Variants in CSDE1 observed in about 807,000 individuals in gnomAD.
CSDE1 encodes cold shock domain containing E1.
CSDE1 carries 17 observed loss-of-function variants against 89.3 expected under a neutral mutation model. The observed-to-expected ratio is 0.19, with a 90% CI of 0.13 to 0.29. The LOEUF is 0.29. Among genes scored for constraint, CSDE1 ranks in the 10% least tolerant of loss-of-function variants. The pLI is 1.00. For missense variants in CSDE1, 672 were observed against 984.2 expected (o/e 0.68, Z 4.24); for synonymous variants, 322 against 332.8 (o/e 0.97, Z 0.35).
chr1:114,718,868 C>T (rs4553193), intron 18 of CSDE1, 123 bp from the exon 19 acceptor site: 1 of 1,004,808 alleles, frequency 1.0e-6, no homozygotes. Flanking sequence ...GGACTCTTGC[C>T]TCATATACCT....
At chr1:114,757,650 C>A (rs1661686646) in intron 1 of CSDE1, among the ~76,000 whole-genome samples, 1 of 152,120 alleles carries the variant, frequency 6.6e-6, no homozygotes, top group East Asian at 1.9e-4. Flanking sequence ...TTTTCGCTCC[C>A]TCCCCCCACT....
Position 114,717,299 on chromosome 1 carries a change from C to A in CSDE1, c.*870G>T, listed in dbSNP as rs902413837. The A allele has an allele frequency of 3.9e-5, 6 of 152,456 alleles. No individual in the cohort carries two copies. Among genetic ancestry groups the A allele is most frequent in the African/African-American group, 1.5e-4 (6 of 41,372 alleles). The allele number at this position is 152,456 out of a possible 1,614,324, so 9.4% of individuals were successfully genotyped here. ...AAAAAAAAACAAGATTCATTTCAGG[C>A]ACAACTTTTTTATTTTTTTTTGTTT... On this transcript the variant is annotated 3_prime_UTR_variant, in exon 20 of 20. Transcript: ENST00000358528.
intron 6 of CSDE1, among the ~76,000 whole-genome samples, chr1:114,734,944 C>T (rs17032862): frequency 0.034 from 5,182 of 152,212 alleles, 180 homozygotes; most frequent in South Asian, 0.091. Context: ...GTATAATCTG[C>T]GGCAAAGTAA....
At chr1:114,748,181 G>A (rs528514176) in intron 2 of CSDE1, 2 of 152,258 alleles carry the variant, frequency 1.3e-5, no homozygotes, top group East Asian at 1.9e-4. Context: ...AGTCCTAAGC[G>A]CTTCTTGAAA....
rs1659246109 is a variant in CSDE1 at position 114,717,422 on chromosome 1, T to C, written c.*747A>G. 6.6e-6 allele frequency: 1 copy of C among 152,550 alleles called. No individual in the cohort carries two copies. The highest frequency in any genetic ancestry group is 6.5e-5 in the Admixed American group (1 of 15,282). 9.4% of individuals were successfully genotyped at this position (152,550 alleles called of 1,614,324 possible). A position where few individuals can be genotyped will look rare whatever the true frequency, so the allele number is the denominator to read the frequency against. ...CATTTTTTTTGTTTTTGTTTAAATA[T>C]GTTTAAATTATCACACTGCTGGCAC... On this transcript the variant is annotated 3_prime_UTR_variant, in exon 20 of 20. Coordinates refer to ENST00000358528, the MANE Select transcript of CSDE1 (RefSeq NM_001007553.3).
intron 2 of CSDE1, among the ~76,000 whole-genome samples, chr1:114,749,474 C>T (rs1011356863): frequency 6.6e-6 from 1 of 152,168 alleles, no homozygotes; most frequent in African/African-American, 2.4e-5. Flanking sequence ...AAGAAACAGA[C>T]GTCAGTAGCA....
At chr1:114,755,976 A>G (rs1343919425) in intron 1 of CSDE1, among the ~76,000 whole-genome samples, 2 of 152,126 alleles carry the variant, frequency 1.3e-5, no homozygotes, top group East Asian at 3.9e-4. Context: ...ATGCTCCAGC[A>G]TAATTTGATA....
At chr1:114,756,456 G>A (rs1012338290) in intron 1 of CSDE1, among the ~76,000 whole-genome samples, 6 of 152,108 alleles carry the variant, frequency 3.9e-5, no homozygotes, top group African/African-American at 1.4e-4. Context: ...GAAAACCAAG[G>A]TATGTATTAT....
In CSDE1 at chr1:114,726,990, C is replaced by T. The variant is rs1659834376; in HGVS notation, c.1457G>A (p.Gly486Glu). 1.9e-6 allele frequency: 3 copies of T among 1,606,414 alleles called. No individual in the cohort carries two copies. The highest frequency in any genetic ancestry group is 2.6e-6 in the Non-Finnish European group (3 of 1,173,092). Residue 486 changes from glycine (G) to glutamate (E), a missense_variant, in exon 13 of 20, where the codon GGA (glycine) becomes GAA (glutamate). This residue lies in a region of CSDE1 where 108 missense variants were observed against 105.0 expected (regional missense o/e 1.03). Coordinates refer to ENST00000358528, the MANE Select transcript of CSDE1 (RefSeq NM_001007553.3). ...TGAGCAGAATTATCTTGCCTTATCT[C>T]CTATTTGAGGAGAAGTAGATCCTTC... ...DVEGSTSPQI[G>E]DKVEFSISDK...
At chr1:114,753,350 T>TA (rs1450137487) in intron 1 of CSDE1, among the ~76,000 whole-genome samples, 1 of 152,208 alleles carries the variant, frequency 6.6e-6, no homozygotes, top group African/African-American at 2.4e-5. Context: ...TAGGAGCTAT[T>TA]AAAGCTCAAA....
chr1:114,729,893 C>CA (rs1467587573), intron 12 of CSDE1, among the ~76,000 whole-genome samples: 1 of 152,158 alleles, frequency 6.6e-6, no homozygotes, highest in Non-Finnish European at 1.5e-5. Flanking sequence ...ACAGTACTAT[C>CA]ATTTTATATA....
chr1:114,749,400 T>G (rs994587427), intron 2 of CSDE1, among the ~76,000 whole-genome samples: 42 of 152,120 alleles, frequency 2.8e-4, no homozygotes, highest in Non-Finnish European at 1.5e-4. Context: ...GCACTGCAAA[T>G]GTAGGCATGG....
rs1661217241 is a variant in CSDE1, at chr1:114,749,899, A to G, written c.-79T>C. 6.5e-6 allele frequency: 1 copy of G among 152,736 alleles called. No homozygotes were observed. The highest frequency in any genetic ancestry group is 1.9e-4 in the East Asian group (1 of 5,194). 9.5% of individuals were successfully genotyped at this position (152,736 alleles called of 1,614,324 possible). A position where few individuals can be genotyped will look rare whatever the true frequency, so the allele number is the denominator to read the frequency against. On this transcript the variant is annotated 5_prime_UTR_variant, in exon 2 of 20. Transcript: ENST00000358528. ...TTTCAGCACACGTTTCAAAGGATGA[A>G]AGTTGCTAGTATTAAAAAAAAGAGC...
rs952750837 is a variant in CSDE1 at position 114,749,898 on chromosome 1, A to C, written c.-78T>G. 1 of 152,656 alleles carries C rather than the reference A, an allele frequency of 6.6e-6. No homozygotes were observed. The highest frequency in any genetic ancestry group is 1.5e-5 in the Non-Finnish European group (1 of 68,038). 9.5% of individuals were successfully genotyped at this position (152,656 alleles called of 1,614,324 possible). A position where few individuals can be genotyped will look rare whatever the true frequency, so the allele number is the denominator to read the frequency against. On this transcript the variant is annotated 5_prime_UTR_variant, in exon 2 of 20. Coordinates refer to ENST00000358528, the MANE Select transcript of CSDE1 (RefSeq NM_001007553.3). ...TTTTCAGCACACGTTTCAAAGGATGAAAGTTGCTAGTATTAAAAAAAAGAG... is the reference window on the plus strand; with the variant it reads ...TTTTCAGCACACGTTTCAAAGGATGCAAGTTGCTAGTATTAAAAAAAAGAG...
At position 114,734,590 on chromosome 1, in the gene CSDE1, A is replaced by G; in HGVS notation, c.501-67T>C. On this transcript the variant is annotated intron_variant, in intron 6 of 19. Transcript: ENST00000358528. Reference sequence around the variant, plus strand: ...ATTAAAAATGTATTGGCCTGCTTAGATATGAGTCTAAAGAAACTAGTTTCC... The same window carrying G: ...ATTAAAAATGTATTGGCCTGCTTAGGTATGAGTCTAAAGAAACTAGTTTCC... The G allele has an allele frequency of 2.4e-6, 3 of 1,257,854 alleles. No homozygotes were observed. In the South Asian group the frequency reaches 4.0e-5, roughly 17 times the overall value. 77.9% of individuals were successfully genotyped at this position (1,257,854 alleles called of 1,614,324 possible).
At chr1:114,722,749 A>C (rs2101014271) in intron 16 of CSDE1, among the ~76,000 whole-genome samples, 1 of 152,314 alleles carries the variant, frequency 6.6e-6, no homozygotes, top group Admixed American at 6.5e-5. Flanking sequence ...TTATGAGTTA[A>C]AGTTAGTAGT....
rs942006274 is a variant in CSDE1, at chr1:114,752,002, C to T, written c.-387-1795G>A. Reference sequence around the variant, plus strand: ...AATTTTGGCCAGGTGAGTTGGCTCACGCCTGTAATCCCAGCACTTTGGGAG... The same window carrying T: ...AATTTTGGCCAGGTGAGTTGGCTCATGCCTGTAATCCCAGCACTTTGGGAG... On this transcript the variant is annotated intron_variant, in intron 1 of 19. Transcript: ENST00000358528. Among the ~76,000 whole-genome samples the T allele has an allele frequency of 4.6e-5, 7 of 152,168 alleles. No individual in the cohort carries two copies. In the East Asian group the frequency reaches 1.2e-3, roughly 25 times the overall value.
chr1:114,730,278 G>T lies in CSDE1; in HGVS notation c.1336C>A (p.Pro446Thr). ...CCTACCTTCTCTTTGCCTTTATTTG[G>T]GCTAGTGGTTTTAGGATTGGAAAAA... Reference protein sequence around the residue: ...ATFSNPKTTSPNKGKEKEAED... With the variant: ...ATFSNPKTTSTNKGKEKEAED... Residue 446 changes from proline to threonine, a missense_variant, in exon 12 of 20, where the codon CCA becomes ACA. Pro to Thr is a conservative substitution (Grantham distance 38, BLOSUM62 -1). This residue lies in a region of CSDE1 where 108 missense variants were observed against 105.0 expected (regional missense o/e 1.03). Transcript: ENST00000358528. 6.2e-7 allele frequency: 1 copy of T among 1,613,620 alleles called. No homozygotes were observed. Among genetic ancestry groups the T allele is most frequent in the Non-Finnish European group, 8.5e-7 (1 of 1,179,912 alleles).
intron 3 of CSDE1, among the ~76,000 whole-genome samples, chr1:114,739,266 C>T (rs369867105): frequency 1.3e-5 from 2 of 151,790 alleles, no homozygotes; most frequent in East Asian, 2.0e-4. Flanking sequence ...CTCCTGACCT[C>T]GTGATCTGCC....
Sources: allele counts gnomAD v4.1 joint callset (sites outside exome capture counted in the v4.1 genomes callset), GRCh38; gene constraint gnomAD v4.1.1; regional missense constraint gnomAD v4.1.1; transcripts MANE v1.5; gene names NCBI Gene and HGNC (gene_info 2026-07-23, HGNC 2026-07-21).